EDDM13: variants seen among roughly 807,000 people sequenced by gnomAD.
EDDM13 encodes the protein epididymal protein 13.
In EDDM13, 24 loss-of-function variants were observed where a neutral mutation model predicts 17.8. That is an observed-to-expected ratio of 1.35 (90% confidence interval 0.98 to 1.90). The LOEUF is 1.90. EDDM13 is among the 40% of genes most tolerant of loss of function. The probability of loss-of-function intolerance (pLI) is 0.00; values close to 1 mark genes in which losing one functional copy is unlikely to be tolerated. For synonymous variants in EDDM13, 31 were observed against 37.5 expected (o/e 0.83, Z 0.63); for missense variants, 97 against 100.8 (o/e 0.96, Z 0.16).
intron 13 of EDDM13, among the ~76,000 whole-genome samples, chr19:56,303,944 G>A (rs1380792103): frequency 3.3e-5 from 5 of 152,118 alleles, no homozygotes; most frequent in Non-Finnish European, 7.4e-5. Context: ...TACCTTCGAG[G>A]AACCAAAGGA....
chr19:56,282,747 A>G (rs2038809476), intron 4 of EDDM13, among the ~76,000 whole-genome samples: 1 of 152,240 alleles, frequency 6.6e-6, no homozygotes. Context: ...TGGTCCGCAC[A>G]TGGCTCAAGG....
chr19:56,301,428 T>G (rs2040222705), intron 12 of EDDM13, among the ~76,000 whole-genome samples: 2 of 152,034 alleles, frequency 1.3e-5, no homozygotes, highest in Admixed American at 6.5e-5. Context: ...GCTAATGCAT[T>G]ATAATTAGTA....
intron 6 of EDDM13, among the ~76,000 whole-genome samples, chr19:56,285,722 G>A (rs1453049016): frequency 3.3e-5 from 5 of 151,206 alleles, no homozygotes; most frequent in South Asian, 2.1e-4. Flanking sequence ...CTCGTGATCC[G>A]CCCGCCTTGG....
Position 56,302,117 on chromosome 19 carries a change from G to C in EDDM13, c.423+22G>C, listed in dbSNP as rs891706698. ...CTGGGTAAGAAGAAGGCAGCACGGA[G>C]GGGAGGAGTGTGAGGAGAGGAAGGA... is the stretch of plus-strand genomic sequence containing the variant. On this transcript the variant is annotated intron_variant, in intron 13 of 14. Transcript: ENST00000649256. The C allele has an allele frequency of 7.4e-5, 91 of 1,230,640 alleles. No individual in the cohort carries two copies. In the African/African-American group the frequency reaches 1.4e-3, roughly 19 times the overall value. The allele number at this position is 1,230,640 out of a possible 1,614,324, so 76.2% of individuals were successfully genotyped here. A position where few individuals can be genotyped will look rare whatever the true frequency, so the allele number is the denominator to read the frequency against.
intron 9 of EDDM13, among the ~76,000 whole-genome samples, chr19:56,292,996 C>T (rs927862021): frequency 2.6e-5 from 4 of 152,098 alleles, no homozygotes; most frequent in Non-Finnish European, 4.4e-5. Context: ...TTCTACCTTT[C>T]GGCTGAGGAC....
intron 6 of EDDM13, among the ~76,000 whole-genome samples, chr19:56,287,114 T>C (rs2039183025): frequency 6.6e-6 from 1 of 152,238 alleles, no homozygotes; most frequent in Non-Finnish European, 1.5e-5. Flanking sequence ...TTGTGGTTTC[T>C]GTTACTCCTG....
intron 9 of EDDM13, among the ~76,000 whole-genome samples, chr19:56,293,536 G>A (rs990620344): frequency 6.6e-6 from 1 of 152,154 alleles, no homozygotes; most frequent in Non-Finnish European, 1.5e-5. Flanking sequence ...CACTGTGGGC[G>A]CCGGTCCTGA....
intron 11 of EDDM13, 140 bp from the exon 12 acceptor site, chr19:56,297,359 CTCCTCT>C (rs1568716541): frequency 6.1e-6 from 1 of 163,736 alleles, no homozygotes; most frequent in African/African-American, 2.4e-5. Context: ...TTCTTTTCTC[CTCCTCT>C]TCCTCTTCCT....
intron 12 of EDDM13, among the ~76,000 whole-genome samples, chr19:56,300,253 T>C (rs1369385567): frequency 1.3e-5 from 2 of 152,110 alleles, no homozygotes; most frequent in East Asian, 3.8e-4. Flanking sequence ...CCCTTTTATA[T>C]AGCCAAGCAG....
chr19:56,294,016 C>T (rs79424120), intron 9 of EDDM13, among the ~76,000 whole-genome samples: 1,616 of 152,312 alleles, frequency 0.011, 24 homozygotes, highest in African/African-American at 0.036. Flanking sequence ...GCCCCTCTGC[C>T]TTGCTCCTTT....
At chr19:56,298,651 CAAA>C (rs35911666) in intron 12 of EDDM13, among the ~76,000 whole-genome samples, 24 of 138,878 alleles carry the variant, frequency 1.7e-4, no homozygotes, top group African/African-American at 4.6e-4. Context: ...GACTCCATCT[CAAA>C]AAAAAAAAAA....
chr19:56,288,069 C>T (rs770105521), intron 6 of EDDM13, among the ~76,000 whole-genome samples: 3 of 152,142 alleles, frequency 2.0e-5, no homozygotes, highest in Non-Finnish European at 4.4e-5. Flanking sequence ...CTGATGGTCA[C>T]GAGGCTGGTG....
chr19:56,273,513 T>C (rs2038012707), intron 1 of EDDM13, among the ~76,000 whole-genome samples: 1 of 152,016 alleles, frequency 6.6e-6, no homozygotes, highest in Non-Finnish European at 1.5e-5. Context: ...ACACACATTC[T>C]AGTGTGGGGA....
intron 6 of EDDM13, among the ~76,000 whole-genome samples, chr19:56,287,773 C>A (rs907762351): frequency 9.9e-5 from 15 of 152,152 alleles, no homozygotes; most frequent in African/African-American, 2.9e-4. Context: ...GCATCAGAGG[C>A]AAGGTGGCCA....
At chr19:56,290,738 T>C (rs753195122) in intron 8 of EDDM13, among the ~76,000 whole-genome samples, 103 bp from the exon 9 acceptor site, 3 of 152,194 alleles carry the variant, frequency 2.0e-5, no homozygotes, top group African/African-American at 7.2e-5. Context: ...TTTTACGATA[T>C]TGAATGGAGG....
intron 9 of EDDM13, among the ~76,000 whole-genome samples, chr19:56,291,414 C>T (rs924997044): frequency 6.6e-6 from 1 of 152,198 alleles, no homozygotes; most frequent in Admixed American, 6.5e-5. Context: ...TCTCGAGTCA[C>T]CCACCCTGGG....
intron 2 of EDDM13, chr19:56,280,508 T>A (rs1377261771): frequency 6.6e-6 from 1 of 152,174 alleles, no homozygotes; most frequent in African/African-American, 2.4e-5. Flanking sequence ...TAGAATTATA[T>A]CTATATATAG....
At chr19:56,304,983 G>A (rs1398418826) in intron 14 of EDDM13, among the ~76,000 whole-genome samples, 153 bp downstream of exon 14, 1 of 152,124 alleles carries the variant, frequency 6.6e-6, no homozygotes, top group Non-Finnish European at 1.5e-5. Flanking sequence ...TCCCAAGTTC[G>A]TCACCCTTAC....
chr19:56,302,533 T>TCCC (rs2040346908), intron 13 of EDDM13, among the ~76,000 whole-genome samples: 1 of 26,956 alleles, frequency 3.7e-5, no homozygotes, highest in Non-Finnish European at 1.3e-4. Flanking sequence ...TCCCTCCCTC[T>TCCC]TCTTCCTCCC....
Sources: allele counts gnomAD v4.1 joint callset (sites outside exome capture counted in the v4.1 genomes callset), GRCh38; gene constraint gnomAD v4.1.1; transcripts MANE v1.5; gene names NCBI Gene and HGNC (gene_info 2026-07-23, HGNC 2026-07-21).